The following IQSEC1 variants were observed in gnomAD, a reference collection of about 807,000 sequenced individuals.
The protein encoded by IQSEC1 is IQ motif and Sec7 domain ArfGEF 1, also known as IQ motif and SEC7 domain-containing protein 1.
In IQSEC1, 31 loss-of-function variants were observed where a neutral mutation model predicts 91.0. The ratio of observed to expected loss-of-function variants is 0.34; its 90% CI spans 0.26 to 0.46. The LOEUF is 0.46. IQSEC1 is among the 20% of genes least tolerant of loss of function. The probability of loss-of-function intolerance (pLI) is 1.00; values close to 1 mark genes in which losing one functional copy is unlikely to be tolerated. For synonymous variants in IQSEC1, 699 were observed against 662.6 expected, an observed-to-expected ratio of 1.05 and a Z score of -0.84; for missense variants, 1,388 against 1,575.6, an observed-to-expected ratio of 0.88 and a Z score of 2.02.
chr3:13,146,150 G>A (rs1040737640), intron 2 of IQSEC1, among the ~76,000 whole-genome samples: 1 of 150,782 alleles, frequency 6.6e-6, no homozygotes, highest in South Asian at 2.1e-4. Flanking sequence ...ACCACACTCA[G>A]CTATTTTTTT....
At chr3:13,252,202 C>A (rs910564021) in intron 1 of IQSEC1, among the ~76,000 whole-genome samples, 1 of 152,118 alleles carries the variant, frequency 6.6e-6, no homozygotes, top group Admixed American at 6.6e-5. Context: ...ACTCACCAAT[C>A]CCCCTCCCCT....
intron 2 of IQSEC1, among the ~76,000 whole-genome samples, chr3:13,156,531 A>G (rs544167701): frequency 6.6e-6 from 1 of 152,384 alleles, no homozygotes; most frequent in South Asian, 2.1e-4. Context: ...AGACAAGCTT[A>G]GCACATTTAG....
intron 1 of IQSEC1, among the ~76,000 whole-genome samples, chr3:12,946,189 T>C (rs1215346728): frequency 6.6e-6 from 1 of 152,256 alleles, no homozygotes; most frequent in Admixed American, 6.5e-5. Context: ...CTGGCTCCTA[T>C]ATCCCTGCCC....
chr3:12,954,365 G>T (rs760365123), intron 1 of IQSEC1, among the ~76,000 whole-genome samples: 2 of 152,194 alleles, frequency 1.3e-5, no homozygotes, highest in Admixed American at 6.5e-5. Flanking sequence ...TCAGGGGCTC[G>T]CATGGGAAAG....
In IQSEC1 at chr3:13,136,416, A is replaced by G. The variant is rs141742999; in HGVS notation, c.302+27688T>C. Among the ~76,000 whole-genome samples the G allele has an allele frequency of 6.6e-3, 1,001 of 152,344 alleles. 11 individuals are homozygous for G. Among genetic ancestry groups the G allele is most frequent in the African/African-American group, 0.023 (956 of 41,580 alleles). On this transcript the variant is annotated intron_variant, in intron 2 of 15. Transcript: ENST00000648114. ...TAAACGAGAAACAAAAAGCTCGCCAAGCATTAAACAACTGGTAGATCTGAC... is the reference window on the plus strand; with the variant it reads ...TAAACGAGAAACAAAAAGCTCGCCAGGCATTAAACAACTGGTAGATCTGAC...
Position 13,171,106 on chromosome 3 carries a change from AC to A in IQSEC1, c.273-6974del, listed in dbSNP as rs373670064. Among the ~76,000 whole-genome samples, 947 of 146,604 alleles carry A rather than the reference AC, an allele frequency of 6.5e-3. 13 individuals are homozygous for A. The highest frequency in any genetic ancestry group is 0.022 in the African/African-American group (823 of 38,138). ...ACAGCAAGACTCCATCTCAAAAAAA[AC>A]AAAAAAAACAAAAAAAGAAAGCCTT... On this transcript the variant is annotated intron_variant, in intron 1 of 15. Coordinates refer to the IQSEC1 transcript ENST00000648114.
In IQSEC1 at chr3:13,008,225, G is replaced by A. The variant is rs530823148; in HGVS notation, c.23+64767C>T. Among the ~76,000 whole-genome samples the A allele has an allele frequency of 1.5e-4, 23 of 152,254 alleles. No individual in the cohort carries two copies. Among genetic ancestry groups the A allele is most frequent in the Admixed American group, 2.6e-4 (4 of 15,300 alleles). ...TACCATCACCACCTTGTCACCCTCCGTCTGGGGTCTGAGGCCAAGCTGGAC... is the reference window on the plus strand; with the variant it reads ...TACCATCACCACCTTGTCACCCTCCATCTGGGGTCTGAGGCCAAGCTGGAC... On this transcript the variant is annotated intron_variant, in intron 1 of 13. Transcript: ENST00000613206. The surrounding 1 kb of genome is among the most constrained non-coding windows in gnomAD (Gnocchi z 4.1).
intron 1 of IQSEC1, among the ~76,000 whole-genome samples, chr3:13,242,783 G>T (rs993043322): frequency 2.6e-5 from 4 of 152,084 alleles, no homozygotes; most frequent in Admixed American, 2.6e-4. Context: ...TCACGTCACC[G>T]GGACTGGTTG....
At chr3:12,942,476 G>A (rs923537367) in intron 1 of IQSEC1, among the ~76,000 whole-genome samples, 7 of 151,984 alleles carry the variant, frequency 4.6e-5, no homozygotes, top group South Asian at 2.1e-4. Flanking sequence ...GGTGGTGGTC[G>A]CCTGTAGTCC....
Position 12,915,019 on chromosome 3 carries a change from G to A in IQSEC1, c.2190+85C>T, listed in dbSNP as rs942570446. On this transcript the variant is annotated intron_variant, in intron 8 of 13. Coordinates refer to ENST00000613206, the MANE Select transcript of IQSEC1 (RefSeq NM_001134382.3). ...AGCAGCCAGCACTTGGGCTCTGGGAGCCTGGGGAGCCGGCGGACTGGCTGA... is the reference window on the plus strand; with the variant it reads ...AGCAGCCAGCACTTGGGCTCTGGGAACCTGGGGAGCCGGCGGACTGGCTGA... 11 of 1,394,846 alleles carry A rather than the reference G, an allele frequency of 7.9e-6. No homozygotes were observed. The African/African-American group carries it at 1.4e-4, about 18-fold the overall frequency. The allele number at this position is 1,394,846 out of a possible 1,614,324, so 86.4% of individuals were successfully genotyped here.
intron 2 of IQSEC1, among the ~76,000 whole-genome samples, chr3:13,145,980 C>T (rs956896974): frequency 2.0e-5 from 3 of 152,104 alleles, no homozygotes; most frequent in African/African-American, 7.2e-5. Context: ...AGACCCTGCA[C>T]TTTATGTTGT....
chr3:13,083,513 G>T (rs1328354053), intron 2 of IQSEC1, among the ~76,000 whole-genome samples: 1 of 152,258 alleles, frequency 6.6e-6, no homozygotes, highest in Admixed American at 6.5e-5. Flanking sequence ...TGGCTTGCTG[G>T]ATAAGTGTAC....
intron 2 of IQSEC1, among the ~76,000 whole-genome samples, chr3:13,141,713 T>A (rs1368437553): frequency 6.6e-6 from 1 of 151,930 alleles, no homozygotes; most frequent in Non-Finnish European, 1.5e-5. Context: ...TCGACCTACA[T>A]ATCAGGGGTC....
intron 2 of IQSEC1, among the ~76,000 whole-genome samples, chr3:13,083,462 GCCTCTT>G (rs1705682454): frequency 6.6e-6 from 1 of 152,230 alleles, no homozygotes; most frequent in Non-Finnish European, 1.5e-5. Context: ...GCCTCTCTGG[GCCTCTT>G]CCTCTTCCTA....
At chr3:12,985,499 C>A (rs559413909) in intron 1 of IQSEC1, among the ~76,000 whole-genome samples, 51 of 152,136 alleles carry the variant, frequency 3.4e-4, no homozygotes, top group African/African-American at 1.1e-3. Flanking sequence ...ATCCCCCCCC[C>A]CCCGCCAACC....
Position 12,898,032 on chromosome 3 carries a change from CTGTA to C in IQSEC1, c.*2947_*2950del, listed in dbSNP as rs1319989777. 6.6e-6 allele frequency: 1 copy of C among 152,260 alleles called. No individual in the cohort carries two copies. Among genetic ancestry groups the C allele is most frequent in the African/African-American group, 2.4e-5 (1 of 41,452 alleles). The allele number at this position is 152,260 out of a possible 1,614,324, so 9.4% of individuals were successfully genotyped here. A position where few individuals can be genotyped will look rare whatever the true frequency, so the allele number is the denominator to read the frequency against. ...GCGTCTCCTGCTCCTGTCAGCAATTCTGTATGTAACTGCAGTAATTTGTGTGACT... is the reference window on the plus strand; with the variant it reads ...GCGTCTCCTGCTCCTGTCAGCAATTCTGTAACTGCAGTAATTTGTGTGACT... On this transcript the variant is annotated 3_prime_UTR_variant, in exon 14 of 14. Transcript: ENST00000613206.
Position 12,899,648 on chromosome 3 carries a change from G to A in IQSEC1, c.*1335C>T, listed in dbSNP as rs1172974639. ...CACACGGGCCACGGTGAGGACACAG[G>A]GGTTCTGCTAGCACATGGCTACATG... On this transcript the variant is annotated 3_prime_UTR_variant, in exon 14 of 14. Coordinates refer to ENST00000613206, the MANE Select transcript of IQSEC1 (RefSeq NM_001134382.3). 1 of 985,282 alleles carries A rather than the reference G, an allele frequency of 1.0e-6. No homozygotes were observed. The highest frequency in any genetic ancestry group is 1.2e-6 in the Non-Finnish European group (1 of 829,934). 61.0% of individuals were successfully genotyped at this position (985,282 alleles called of 1,614,324 possible).
At position 13,085,806 on chromosome 3, in the gene IQSEC1, T is replaced by G. The variant is rs893899555; in HGVS notation, c.303-38284A>C. On this transcript the variant is annotated intron_variant, in intron 2 of 15. Transcript: ENST00000648114. ...GTCGCTGGCCTGAGGGGCATGTGGT[T>G]ATCGGCCAATGCGAGGCTCTCGAGG... 5.3e-5 allele frequency among the ~76,000 whole-genome samples: 8 copies of G among 152,360 alleles called. No individual in the cohort carries two copies. The East Asian group carries it at 1.5e-3, about 29-fold the overall frequency.
intron 1 of IQSEC1, among the ~76,000 whole-genome samples, chr3:12,952,588 T>C (rs73813740): frequency 0.039 from 5,902 of 152,170 alleles, 383 homozygotes; most frequent in African/African-American, 0.13. Context: ...TCTCCTCTCA[T>C]TTGGCGGGAC....
Sources: allele counts gnomAD v4.1 joint callset (sites outside exome capture counted in the v4.1 genomes callset), GRCh38; gene constraint gnomAD v4.1.1; non-coding constraint Gnocchi (gnomAD v3.1); transcripts MANE v1.5; gene names NCBI Gene and HGNC (gene_info 2026-07-23, HGNC 2026-07-21).